The following SORL1 variants were observed in gnomAD, a reference collection of about 807,000 sequenced individuals.
The protein encoded by SORL1 is sortilin-related receptor.
Under a neutral mutation model 273.7 loss-of-function variants are expected in SORL1, and 127 were observed. The observed-to-expected ratio is 0.46, with a 90% confidence interval of 0.40 to 0.54. SORL1 has a LOEUF of 0.54. SORL1 is among the 20% of genes least tolerant of loss of function. The probability of loss-of-function intolerance (pLI) is 0.00; values close to 1 mark genes in which losing one functional copy is unlikely to be tolerated. For synonymous variants in SORL1, 1,031 were observed against 1,067.4 expected, an observed-to-expected ratio of 0.97 and a Z score of 0.66; for missense variants, 2,494 against 2,846.1, an observed-to-expected ratio of 0.88 and a Z score of 2.81.
At position 121,539,659 on chromosome 11, in the gene SORL1, G is replaced by A. The variant is rs191280656; in HGVS notation, c.1686-3889G>A. On this transcript the variant is annotated intron_variant, in intron 12 of 47. Transcript: ENST00000260197. Reference sequence around the variant, plus strand: ...CTTTACTACTATGTTGTTATTCAAAGATTTTTTTCTTTTTTTTTACTAACG... The same window carrying A: ...CTTTACTACTATGTTGTTATTCAAAAATTTTTTTCTTTTTTTTTACTAACG... Among the ~76,000 whole-genome samples, 365 of 151,766 alleles carry A rather than the reference G, an allele frequency of 2.4e-3. 8 individuals are homozygous for A. The highest frequency in any genetic ancestry group is 0.021 in the Admixed American group (324 of 15,250).
At position 121,558,757 on chromosome 11, in the gene SORL1, G is replaced by A. The variant is rs1020233447; in HGVS notation, c.2830G>A (p.Glu944Lys). Residue 944 changes from glutamate to lysine, a missense_variant, in exon 20 of 48, where the codon GAG becomes AAG. This residue lies in a region of SORL1 where 1,609 missense variants were observed against 1,816.4 expected (regional missense o/e 0.89). Transcript: ENST00000260197. ...YWTDAYLECI[E>K]RITFSGQQRS... ...GACGGATGCCTACCTGGAGTGCATA[G>A]AGCGGATCACGTTCAGTGGCCAGCA... is the stretch of plus-strand genomic sequence containing the variant. 8.1e-6 allele frequency: 13 copies of A among 1,614,186 alleles called. No individual in the cohort carries two copies. Among genetic ancestry groups the A allele is most frequent in the East Asian group, 2.2e-5 (1 of 44,882 alleles).
At chr11:121,478,052 A>T in intron 2 of SORL1, 66 bp from the exon 3 acceptor site, 3 of 1,291,248 alleles carry the variant, frequency 2.3e-6, no homozygotes, top group African/African-American at 1.6e-5. Context: ...AAAAAAAAAA[A>T]GAAAGATCTT....
chr11:121,621,347 C>A (rs1439468248), intron 44 of SORL1, 109 bp downstream of exon 44: 3 of 952,662 alleles, frequency 3.1e-6, no homozygotes, highest in Admixed American at 2.5e-5. Flanking sequence ...ACAGGGAGTG[C>A]AAACGCTGCC....
intron 6 of SORL1, among the ~76,000 whole-genome samples, chr11:121,503,017 T>C (rs950470892): frequency 6.6e-6 from 1 of 151,990 alleles, no homozygotes; most frequent in Non-Finnish European, 1.5e-5. Flanking sequence ...ACCACAGGCA[T>C]GTGCCACCAT....
In SORL1 at chr11:121,630,261, A is replaced by T. The variant is rs1863856170; in HGVS notation, c.*698A>T. The T allele has an allele frequency of 6.6e-6, 1 of 152,294 alleles. No individual in the cohort carries two copies. Among genetic ancestry groups the T allele is most frequent in the Non-Finnish European group, 1.5e-5 (1 of 68,100 alleles). 9.4% of individuals were successfully genotyped at this position (152,294 alleles called of 1,614,324 possible). A position where few individuals can be genotyped will look rare whatever the true frequency, so the allele number is the denominator to read the frequency against. On this transcript the variant is annotated 3_prime_UTR_variant, in exon 48 of 48. Transcript: ENST00000260197. ...CTGGAGTTCAGTTCAACAGAGCTGC[A>T]GCTTGGGAAGCCCTGTAAGCCCACA...
rs372203239 is a variant in SORL1 at position 121,627,669 on chromosome 11, C to A, written c.6479C>A (p.Thr2160Lys). The A allele has an allele frequency of 6.2e-7, 1 of 1,614,088 alleles. No homozygotes were observed. Among genetic ancestry groups the A allele is most frequent in the East Asian group, 2.2e-5 (1 of 44,874 alleles). ...SLGVGFAILY[T>K]KHRRLQSSFT... Reference sequence around the variant, plus strand: ...GGGGTGGGGTTTGCCATCCTGTACACGAAGCACCGGAGGCTGCAGAGCAGC... The same window carrying A: ...GGGGTGGGGTTTGCCATCCTGTACAAGAAGCACCGGAGGCTGCAGAGCAGC... Residue 2160 changes from threonine (T) to lysine (K), a missense_variant, in exon 47 of 48, where the codon ACG becomes AAG. Physicochemically the swap from Thr to Lys is moderately conservative, Grantham distance 78. Around this residue, in one of 3 missense-constraint regions of SORL1, gnomAD observed 1,609 missense variants for 1,816.4 expected, o/e 0.89. Coordinates refer to ENST00000260197, the MANE Select transcript of SORL1 (RefSeq NM_003105.6). The surrounding 1 kb of genome is among the most constrained non-coding windows in gnomAD (Gnocchi z 4.9).
At chr11:121,598,582 T>C (rs1338169317) in intron 32 of SORL1, among the ~76,000 whole-genome samples, 1 of 152,202 alleles carries the variant, frequency 6.6e-6, no homozygotes, top group East Asian at 1.9e-4. Flanking sequence ...CTGCATTAAT[T>C]GTCCATGCAA....
At chr11:121,593,271 T>C (rs1021641448) in intron 31 of SORL1, among the ~76,000 whole-genome samples, 8 of 152,226 alleles carry the variant, frequency 5.3e-5, no homozygotes, top group African/African-American at 1.7e-4. Context: ...CCTTTGAAAA[T>C]CCAATGAAAA....
chr11:121,511,937 C>T (rs1252624947), intron 6 of SORL1, among the ~76,000 whole-genome samples: 1 of 152,226 alleles, frequency 6.6e-6, no homozygotes, highest in Admixed American at 6.5e-5. Flanking sequence ...GGAATCCCAA[C>T]ATCTCAATAT....
At chr11:121,581,737 C>T (rs915416778) in intron 25 of SORL1, among the ~76,000 whole-genome samples, 3 of 152,180 alleles carry the variant, frequency 2.0e-5, no homozygotes, top group African/African-American at 7.2e-5. Flanking sequence ...GAGATCTCAG[C>T]CATGCCTCCC....
At chr11:121,544,478 A>G (rs1028344476) in intron 13 of SORL1, among the ~76,000 whole-genome samples, 1 of 152,180 alleles carries the variant, frequency 6.6e-6, no homozygotes, top group African/African-American at 2.4e-5. Context: ...GCCCTTAAAG[A>G]TAAGAACTTG....
chr11:121,495,481 ATT>A (rs1368485385), intron 5 of SORL1, among the ~76,000 whole-genome samples: 1 of 152,142 alleles, frequency 6.6e-6, no homozygotes, highest in Non-Finnish European at 1.5e-5. Flanking sequence ...CTCTGAAGGA[ATT>A]TGACACGATT....
intron 6 of SORL1, among the ~76,000 whole-genome samples, chr11:121,507,173 C>T (rs1861801792): frequency 6.6e-6 from 1 of 152,114 alleles, no homozygotes; most frequent in Non-Finnish European, 1.5e-5. Context: ...TAATTGAGGA[C>T]TCCTTAGATG....
In SORL1 at chr11:121,465,454, A is replaced by C. The variant is rs368430226; in HGVS notation, c.286-4553A>C. ...CCGTCATTTAGTTCCAACTCCTGCC[A>C]GGAGGCAGGGGAATCAACTAGATTC... On this transcript the variant is annotated intron_variant, in intron 1 of 47. Transcript: ENST00000260197. Among the ~76,000 whole-genome samples, 10 of 152,246 alleles carry C rather than the reference A, an allele frequency of 6.6e-5. No homozygotes were observed. The East Asian group carries it at 1.5e-3, about 23-fold the overall frequency.
intron 3 of SORL1, among the ~76,000 whole-genome samples, chr11:121,487,672 T>G (rs1436214102): frequency 6.6e-5 from 10 of 152,192 alleles, no homozygotes; most frequent in Admixed American, 5.2e-4. Context: ...CAGATGCCAG[T>G]AACTACCCTC....
chr11:121,452,456 T>C lies in SORL1; in HGVS notation c.125T>C (p.Leu42Ser). 1.3e-6 allele frequency: 2 copies of C among 1,510,286 alleles called. No homozygotes were observed. The highest frequency in any genetic ancestry group is 1.8e-6 in the Non-Finnish European group (2 of 1,130,886). The allele number at this position is 1,510,286 out of a possible 1,614,324, so 93.6% of individuals were successfully genotyped here. Residue 42 changes from leucine (L) to serine (S), a missense_variant, in exon 1 of 48, where the codon TTG (leucine) becomes TCG (serine). This residue lies in a region of SORL1 where 175 missense variants were observed against 147.1 expected (regional missense o/e 1.19). Coordinates refer to ENST00000260197, the MANE Select transcript of SORL1 (RefSeq NM_003105.6). This position sits in a 1 kb window ranked among gnomAD's most constrained non-coding sequence, Gnocchi z 5.3. The part of the protein sequence containing the change: ...TQRLHGGSAP[L>S]PQDRGFLVVQ... ...AGGCTGCACGGCGGCAGCGCGCCCT[T>C]GCCCCAGGACCGGGGCTTCCTCGTG... is the stretch of plus-strand genomic sequence containing the variant.
At chr11:121,610,412 T>A (rs1433788787) in intron 38 of SORL1, 1 of 152,138 alleles carries the variant, frequency 6.6e-6, no homozygotes, top group Middle Eastern at 3.2e-3. Flanking sequence ...GCACCAGTGG[T>A]TTCTAGTTGT....
chr11:121,591,200 G>A (rs1295854553), intron 31 of SORL1, 44 bp downstream of exon 31: 1 of 1,604,224 alleles, frequency 6.2e-7, no homozygotes, highest in Non-Finnish European at 8.5e-7. Context: ...CTGCTATTGT[G>A]GAGAGGACCT....
rs1863148790 is a variant in SORL1 at position 121,588,120 on chromosome 11, G to A, written c.3915G>A (p.Gly1305=). Residue 1305 remains glycine (G), a synonymous_variant, in exon 28 of 48, where the codon GGG becomes GGA. Coordinates refer to ENST00000260197, the MANE Select transcript of SORL1 (RefSeq NM_003105.6). ...VCDGIIQCRD[G]SDEDAAFAGC... is the part of the protein sequence containing the mutation. ...ACGGAATCATCCAGTGCCGCGACGG[G>A]TCCGATGAGGATGCGGCGTTTGCAG... 8 of 1,613,734 alleles carry A rather than the reference G, an allele frequency of 5.0e-6. No homozygotes were observed. The highest frequency in any genetic ancestry group is 1.7e-5 in the Admixed American group (1 of 60,002).
Sources: allele counts gnomAD v4.1 joint callset (sites outside exome capture counted in the v4.1 genomes callset), GRCh38; gene constraint gnomAD v4.1.1; regional missense constraint gnomAD v4.1.1; non-coding constraint Gnocchi (gnomAD v3.1); transcripts MANE v1.5; gene names NCBI Gene and HGNC (gene_info 2026-07-23, HGNC 2026-07-21).